Variants in BARX2 observed in about 807,000 individuals in gnomAD.
BARX2 encodes BARX homeobox 2.
A neutral mutation model predicts 25.5 loss-of-function variants in BARX2; 11 were observed. That is an observed-to-expected ratio of 0.43 (90% confidence interval 0.27 to 0.71). The LOEUF (loss-of-function observed/expected upper bound fraction) is 0.71, where lower values mean the gene tolerates loss of function less well. Among genes scored for constraint, BARX2 ranks in the 30% least tolerant of loss-of-function variants. The pLI, the probability that BARX2 is intolerant of heterozygous loss-of-function variation, is 0.19. For synonymous variants in BARX2, 137 were observed against 149.5 expected (o/e 0.92, Z 0.61); for missense variants, 360 against 359.9 (o/e 1.00, Z 0.00).
chr11:129,425,836 C>G (rs1862056311), intron 1 of BARX2, among the ~76,000 whole-genome samples: 1 of 152,178 alleles, frequency 6.6e-6, no homozygotes, highest in Non-Finnish European at 1.5e-5. Flanking sequence ...TTTCTCCCCA[C>G]TCCACCTCTC....
At chr11:129,379,267 AT>A (rs1861536892) in intron 1 of BARX2, among the ~76,000 whole-genome samples, 1 of 152,220 alleles carries the variant, frequency 6.6e-6, no homozygotes, top group Non-Finnish European at 1.5e-5. Flanking sequence ...GAATGCCTCC[AT>A]TTGAAAAGAG....
intron 1 of BARX2, among the ~76,000 whole-genome samples, chr11:129,378,044 G>A (rs1861521711): frequency 6.6e-6 from 1 of 152,212 alleles, no homozygotes; most frequent in Admixed American, 6.5e-5. Flanking sequence ...ATGTAGTTTT[G>A]TGAGTGTTAT....
Position 129,436,973 on chromosome 11 carries a change from G to A in BARX2, c.410G>A (p.Arg137His), listed in dbSNP as rs200087278. The change falls in exon 2 of 4, where the codon CGC becomes CAC. Residue 137 changes from arginine (R) to histidine (H), a missense_variant. Physicochemically the swap from Arg to His is conservative, Grantham distance 29. Around this residue, in one of 3 missense-constraint regions of BARX2, gnomAD observed 240 missense variants for 228.7 expected, o/e 1.05. Coordinates refer to ENST00000281437, the MANE Select transcript of BARX2 (RefSeq NM_003658.5). This position sits in a 1 kb window ranked among gnomAD's most constrained non-coding sequence, Gnocchi z 4.5. ...TPRQKKPRRS[R>H]TIFTELQLMG... Reference sequence around the variant, plus strand: ...CGACAGAAGAAGCCCCGCCGGAGTCGCACCATCTTCACCGAGCTGCAGCTC... The same window carrying A: ...CGACAGAAGAAGCCCCGCCGGAGTCACACCATCTTCACCGAGCTGCAGCTC... 21 of 1,610,192 alleles carry A rather than the reference G, an allele frequency of 1.3e-5. No homozygotes were observed. The highest frequency in any genetic ancestry group is 1.6e-5 in the Non-Finnish European group (19 of 1,177,536).
Position 129,436,959 on chromosome 11 carries a change from G to A in BARX2, c.396G>A (p.Lys132=). 1 of 1,611,986 alleles carries A rather than the reference G, an allele frequency of 6.2e-7. No homozygotes were observed. The highest frequency in any genetic ancestry group is 8.5e-7 in the Non-Finnish European group (1 of 1,178,508). ...ETEQPTPRQK[K]PRRSRTIFTE... ...AACAGCCCACGCCCCGACAGAAGAA[G>A]CCCCGCCGGAGTCGCACCATCTTCA... The change falls in exon 2 of 4, where the codon AAG becomes AAA. Residue 132 remains lysine (K), a synonymous_variant. Coordinates refer to ENST00000281437, the MANE Select transcript of BARX2 (RefSeq NM_003658.5). This position sits in a 1 kb window ranked among gnomAD's most constrained non-coding sequence, Gnocchi z 4.5.
rs1861510162 is a variant in BARX2, at chr11:129,376,899, G to A, written c.187+677G>A. ...CACACCTGGTTTTCTCTCTTCACGGGAGGTAAGAGCAATAGTAAAGATAAA... is the reference window on the plus strand; with the variant it reads ...CACACCTGGTTTTCTCTCTTCACGGAAGGTAAGAGCAATAGTAAAGATAAA... On this transcript the variant is annotated intron_variant, in intron 1 of 3. Coordinates refer to ENST00000281437, the MANE Select transcript of BARX2 (RefSeq NM_003658.5). This position sits in a 1 kb window ranked among gnomAD's most constrained non-coding sequence, Gnocchi z 4.2. 1.3e-5 allele frequency among the ~76,000 whole-genome samples: 2 copies of A among 152,212 alleles called. No homozygotes were observed. Among genetic ancestry groups the A allele is most frequent in the Admixed American group, 6.5e-5 (1 of 15,282 alleles).
intron 1 of BARX2, among the ~76,000 whole-genome samples, chr11:129,382,360 G>A (rs1293774759): frequency 6.6e-6 from 1 of 152,064 alleles, no homozygotes. Flanking sequence ...TGTATTTTTA[G>A]TAGAGACGGG....
At chr11:129,449,030 G>C (rs900349157) in intron 3 of BARX2, among the ~76,000 whole-genome samples, 8 of 152,174 alleles carry the variant, frequency 5.3e-5, no homozygotes, top group African/African-American at 1.9e-4. Flanking sequence ...CAGGGCTGTG[G>C]GCAGATCGGG....
At chr11:129,427,836 C>T (rs1862083326) in intron 1 of BARX2, among the ~76,000 whole-genome samples, 1 of 152,086 alleles carries the variant, frequency 6.6e-6, no homozygotes, top group Non-Finnish European at 1.5e-5. Flanking sequence ...CATGCCTGGC[C>T]CAAGCATGTT....
intron 1 of BARX2, among the ~76,000 whole-genome samples, chr11:129,419,237 C>A (rs1861977637): frequency 1.3e-5 from 2 of 152,238 alleles, no homozygotes; most frequent in South Asian, 2.1e-4. Context: ...TTTTATTAAT[C>A]ATTCTTCAAT....
chr11:129,422,099 C>T (rs771687862), intron 1 of BARX2, among the ~76,000 whole-genome samples: 47 of 152,164 alleles, frequency 3.1e-4, no homozygotes, highest in Middle Eastern at 3.4e-3. Context: ...AGGCTGGCCT[C>T]GATTGCCTGG....
chr11:129,433,018 A>G (rs76144619), intron 1 of BARX2, among the ~76,000 whole-genome samples: 1,538 of 152,192 alleles, frequency 0.01, 27 homozygotes, highest in African/African-American at 0.034. Context: ...CCATGGTCCA[A>G]TATGCCACAT....
rs80287625 is a variant in BARX2, at chr11:129,449,768, G to A, written c.574-1368G>A. On this transcript the variant is annotated intron_variant, in intron 3 of 3. Coordinates refer to ENST00000281437, the MANE Select transcript of BARX2 (RefSeq NM_003658.5). Reference sequence around the variant, plus strand: ...AAGCCTAGTTCATTTGGTAACAGTTGTCAAACACCTGCTATGTGCAGGGGC... The same window carrying A: ...AAGCCTAGTTCATTTGGTAACAGTTATCAAACACCTGCTATGTGCAGGGGC... Among the ~76,000 whole-genome samples the A allele has an allele frequency of 5.9e-5, 9 of 152,268 alleles. No homozygotes were observed. The East Asian group carries it at 1.7e-3, about 29-fold the overall frequency.
chr11:129,434,235 T>G (rs1006744391), intron 1 of BARX2, among the ~76,000 whole-genome samples: 3 of 132,050 alleles, frequency 2.3e-5, no homozygotes, highest in Admixed American at 1.7e-4. Context: ...TCTATTCATC[T>G]CTCTTTCTCA....
At chr11:129,389,856 C>T (rs1363522465) in intron 1 of BARX2, among the ~76,000 whole-genome samples, 5 of 151,984 alleles carry the variant, frequency 3.3e-5, no homozygotes, top group Non-Finnish European at 7.4e-5. Flanking sequence ...AATCACTTTC[C>T]TAGTATATTA....
At chr11:129,387,286 T>C (rs1453443897) in intron 1 of BARX2, among the ~76,000 whole-genome samples, 1 of 152,166 alleles carries the variant, frequency 6.6e-6, no homozygotes, top group African/African-American at 2.4e-5. Flanking sequence ...AGAGCTGCCG[T>C]GGGACTACAT....
At chr11:129,382,971 T>A (rs1007857381) in intron 1 of BARX2, among the ~76,000 whole-genome samples, 16 of 152,180 alleles carry the variant, frequency 1.1e-4, no homozygotes, top group African/African-American at 3.6e-4. Context: ...CCTGCCTCCA[T>A]TTTAGCTGCC....
chr11:129,394,744 A>C (rs1027274308), intron 1 of BARX2, among the ~76,000 whole-genome samples: 1 of 152,222 alleles, frequency 6.6e-6, no homozygotes, highest in Non-Finnish European at 1.5e-5. Context: ...CATCCAGAGC[A>C]ACAAAAGAAT....
At chr11:129,433,827 A>G (rs1333701456) in intron 1 of BARX2, among the ~76,000 whole-genome samples, 1 of 152,178 alleles carries the variant, frequency 6.6e-6, no homozygotes, top group Non-Finnish European at 1.5e-5. Flanking sequence ...ACTACCTGGC[A>G]CTATTTACAT....
At position 129,392,449 on chromosome 11, in the gene BARX2, A is replaced by G. The variant is rs577386272; in HGVS notation, c.187+16227A>G. Among the ~76,000 whole-genome samples the G allele has an allele frequency of 3.9e-5, 6 of 152,348 alleles. No homozygotes were observed. The South Asian group carries it at 1.2e-3, about 32-fold the overall frequency. On this transcript the variant is annotated intron_variant, in intron 1 of 3. Coordinates refer to ENST00000281437, the MANE Select transcript of BARX2 (RefSeq NM_003658.5). ...TAGGTAAAATTCCACTTCCAAGAAA[A>G]GTATGTGTGGTACAGGTGACACCTG...
Sources: gnomAD v4.1 joint callset for allele counts (sites outside exome capture counted in the v4.1 genomes callset) on GRCh38, gnomAD v4.1.1 for gene constraint, gnomAD v4.1.1 regional missense constraint, Gnocchi (gnomAD v3.1) non-coding constraint, MANE v1.5 for transcripts, NCBI Gene and HGNC (gene_info 2026-07-23, HGNC 2026-07-21) for gene names.